Variants in UBL3 observed in about 807,000 individuals in gnomAD.
UBL3 encodes ubiquitin-like protein 3.
In UBL3, 6 loss-of-function variants were observed where a neutral mutation model predicts 18.4. The ratio of observed to expected loss-of-function variants is 0.33; its 90% CI spans 0.18 to 0.64. UBL3 has a LOEUF of 0.64. UBL3 is among the 30% of genes least tolerant of loss of function. UBL3 has a pLI of 0.76. For missense variants in UBL3, 109 were observed against 142.9 expected (o/e 0.76, Z 1.21); for synonymous variants, 49 against 46.6 (o/e 1.05, Z -0.21).
At chr13:29,800,039 G>A (rs923490460) in intron 1 of UBL3, among the ~76,000 whole-genome samples, 1 of 152,064 alleles carries the variant, frequency 6.6e-6, no homozygotes, top group Non-Finnish European at 1.5e-5. Flanking sequence ...AGGGAATAGG[G>A]GGATGACTAT....
At chr13:29,810,401 A>C (rs888848603) in intron 1 of UBL3, among the ~76,000 whole-genome samples, 35 of 152,106 alleles carry the variant, frequency 2.3e-4, no homozygotes, top group Non-Finnish European at 1.5e-5. Context: ...TAATATTTAA[A>C]AAGCAAATAA....
chr13:29,776,984 C>T (rs1247586429), intron 2 of UBL3, among the ~76,000 whole-genome samples, 171 bp downstream of exon 2: 1 of 150,898 alleles, frequency 6.6e-6, no homozygotes, highest in Non-Finnish European at 1.5e-5. Context: ...GGGAATGAGA[C>T]TGCTGAAGAG....
rs777128600 is a variant in UBL3 at position 29,849,867 on chromosome 13, T to C, written c.-329A>G. 2 of 494,058 alleles carry C rather than the reference T, an allele frequency of 4.0e-6. No individual in the cohort carries two copies. Among genetic ancestry groups the C allele is most frequent in the Non-Finnish European group, 7.3e-6 (2 of 272,492 alleles). The allele number at this position is 494,058 out of a possible 1,614,324, so 30.6% of individuals were successfully genotyped here. A position where few individuals can be genotyped will look rare whatever the true frequency, so the allele number is the denominator to read the frequency against. On this transcript the variant is annotated 5_prime_UTR_variant, in exon 1 of 5. An upstream start codon of the reference 5' UTR is lost. Coordinates refer to ENST00000380680, the MANE Select transcript of UBL3 (RefSeq NM_007106.4). ...GACCGAGCCGAGTGACACACGGACA[T>C]GGAGAGGGGTGGGAGGGGGTTAAAT...
At chr13:29,838,515 G>A (rs1281027343) in intron 1 of UBL3, among the ~76,000 whole-genome samples, 2 of 152,174 alleles carry the variant, frequency 1.3e-5, no homozygotes, top group Non-Finnish European at 2.9e-5. Context: ...AAGACTGGAA[G>A]AGGGGTAAAT....
At chr13:29,770,347 T>G (rs748865260) in intron 3 of UBL3, among the ~76,000 whole-genome samples, 15 of 152,068 alleles carry the variant, frequency 9.9e-5, no homozygotes, top group Non-Finnish European at 1.5e-5. Flanking sequence ...TAGTTTATTG[T>G]TTTTGAAAAG....
At chr13:29,821,610 G>C (rs959250253) in intron 1 of UBL3, among the ~76,000 whole-genome samples, 1 of 152,152 alleles carries the variant, frequency 6.6e-6, no homozygotes, top group Non-Finnish European at 1.5e-5. Context: ...TTCTTTGGTT[G>C]AGCTTTCTAA....
chr13:29,777,141 A>C lies in UBL3; in HGVS notation c.136+14T>G, dbSNP rs1338167468. On this transcript the variant is annotated intron_variant, in intron 2 of 4. Coordinates refer to ENST00000380680, the MANE Select transcript of UBL3 (RefSeq NM_007106.4). ...ATCAACATTATTCATACTCAAGAGAAAAATATCACTCACCCATTGGCCAAT... is the reference window on the plus strand; with the variant it reads ...ATCAACATTATTCATACTCAAGAGACAAATATCACTCACCCATTGGCCAAT... 1 of 1,561,892 alleles carries C rather than the reference A, an allele frequency of 6.4e-7. No homozygotes were observed.
chr13:29,795,935 T>C (rs908516233), intron 1 of UBL3, among the ~76,000 whole-genome samples: 3 of 143,096 alleles, frequency 2.1e-5, no homozygotes, highest in Non-Finnish European at 4.6e-5. Flanking sequence ...TTGATCTCTC[T>C]TTTTTTTTTT....
chr13:29,789,878 ATAAC>A (rs774020597), intron 1 of UBL3, among the ~76,000 whole-genome samples: 1 of 152,218 alleles, frequency 6.6e-6, no homozygotes, highest in Non-Finnish European at 1.5e-5. Context: ...CTTTTATAGC[ATAAC>A]TATCAATTAA....
chr13:29,848,837 T>C (rs912680141), intron 1 of UBL3, among the ~76,000 whole-genome samples: 2 of 152,242 alleles, frequency 1.3e-5, no homozygotes, highest in African/African-American at 4.8e-5. Flanking sequence ...CGAGGCTCAA[T>C]ACTATGTTTC....
intron 1 of UBL3, among the ~76,000 whole-genome samples, chr13:29,777,997 C>T (rs1877046954): frequency 6.6e-6 from 1 of 152,138 alleles, no homozygotes; most frequent in African/African-American, 2.4e-5. Context: ...GAACTCCTGA[C>T]CTCAAGTGAT....
At chr13:29,847,032 T>C (rs1879245366) in intron 1 of UBL3, among the ~76,000 whole-genome samples, 1 of 152,214 alleles carries the variant, frequency 6.6e-6, no homozygotes, top group Non-Finnish European at 1.5e-5. Context: ...AAATCAATTG[T>C]CAATTCATGG....
chr13:29,804,290 T>A (rs1877845963), intron 1 of UBL3, among the ~76,000 whole-genome samples: 1 of 151,968 alleles, frequency 6.6e-6, no homozygotes, highest in Admixed American at 6.6e-5. Context: ...AGATATAACA[T>A]ACCAAAATCT....
At chr13:29,792,296 G>A (rs979492398) in intron 1 of UBL3, among the ~76,000 whole-genome samples, 1 of 151,988 alleles carries the variant, frequency 6.6e-6, no homozygotes, top group African/African-American at 2.4e-5. Flanking sequence ...ATTTTTTACC[G>A]TTATACACAG....
intron 1 of UBL3, among the ~76,000 whole-genome samples, chr13:29,805,500 T>C (rs1412797074): frequency 6.6e-6 from 1 of 152,182 alleles, no homozygotes. Context: ...AAAACGGCTC[T>C]TACACCCCCA....
In UBL3 at chr13:29,827,202, C is replaced by T. The variant is rs539323532; in HGVS notation, c.27+22310G>A. On this transcript the variant is annotated intron_variant, in intron 1 of 4. Coordinates refer to ENST00000380680, the MANE Select transcript of UBL3 (RefSeq NM_007106.4). The stretch of plus-strand genomic sequence containing the variant: ...GAGTTCTGTAGATGTCTATTAGGTC[C>T]GCTTGGTGCAGAGCTGAGTTCAATT... Among the ~76,000 whole-genome samples the T allele has an allele frequency of 1.2e-4, 18 of 152,204 alleles. No homozygotes were observed. The East Asian group carries it at 1.5e-3, about 13-fold the overall frequency.
intron 1 of UBL3, among the ~76,000 whole-genome samples, chr13:29,811,819 A>G (rs1878095107): frequency 6.6e-6 from 1 of 152,112 alleles, no homozygotes; most frequent in African/African-American, 2.4e-5. Flanking sequence ...AGTCACTATT[A>G]GTTGGGGTTG....
chr13:29,800,811 T>G (rs1341152786), intron 1 of UBL3, among the ~76,000 whole-genome samples: 4 of 152,254 alleles, frequency 2.6e-5, no homozygotes, highest in African/African-American at 9.6e-5. Flanking sequence ...GGGATGGATC[T>G]CCCAGAGGGA....
intron 1 of UBL3, among the ~76,000 whole-genome samples, chr13:29,792,431 C>A (rs1417101599): frequency 6.6e-6 from 1 of 152,168 alleles, no homozygotes; most frequent in Non-Finnish European, 1.5e-5. Context: ...ATAAATAAAT[C>A]ATCCTATTCT....
Sources: gnomAD v4.1 joint callset for allele counts (sites outside exome capture counted in the v4.1 genomes callset) on GRCh38, gnomAD v4.1.1 for gene constraint, MANE v1.5 for transcripts, NCBI Gene and HGNC (gene_info 2026-07-23, HGNC 2026-07-21) for gene names.